Variants in SEMA5A observed in about 807,000 individuals in gnomAD.
SEMA5A encodes semaphorin 5A.
Under a neutral mutation model 135.5 loss-of-function variants are expected in SEMA5A, and 55 were observed. The ratio of observed to expected loss-of-function variants is 0.41; its 90% CI spans 0.33 to 0.51. SEMA5A has a LOEUF of 0.51. Ranked by LOEUF, SEMA5A falls within the 20% of genes least tolerant of loss-of-function variation. The pLI is 0.37. For synonymous variants in SEMA5A, 580 were observed against 546.5 expected, an observed-to-expected ratio of 1.06 and a Z score of -0.85; for missense variants, 1,290 against 1,419.9, an observed-to-expected ratio of 0.91 and a Z score of 1.47.
At chr5:9,385,955 C>A (rs951915121) in intron 2 of SEMA5A, among the ~76,000 whole-genome samples, 5 of 151,890 alleles carry the variant, frequency 3.3e-5, no homozygotes, top group Non-Finnish European at 4.4e-5. Context: ...GCACACACCA[C>A]CACACCTGGC....
At chr5:9,531,322 C>T (rs966383852) in intron 1 of SEMA5A, among the ~76,000 whole-genome samples, 4 of 152,176 alleles carry the variant, frequency 2.6e-5, no homozygotes, top group African/African-American at 7.2e-5. Context: ...CACCTACATT[C>T]GTAGGGAACT....
chr5:9,221,148 G>A (rs1358675149), intron 8 of SEMA5A, among the ~76,000 whole-genome samples: 2 of 152,186 alleles, frequency 1.3e-5, no homozygotes, highest in African/African-American at 4.8e-5. Context: ...ACTCAAGAGA[G>A]AAGTCTGAGA....
chr5:9,371,235 G>T (rs1755121957), intron 3 of SEMA5A, among the ~76,000 whole-genome samples: 1 of 152,020 alleles, frequency 6.6e-6, no homozygotes, highest in Non-Finnish European at 1.5e-5. Context: ...TTAATTAGTG[G>T]CCCTAGAACG....
intron 1 of SEMA5A, among the ~76,000 whole-genome samples, chr5:9,474,064 GT>G (rs775179981): frequency 2.0e-5 from 3 of 151,978 alleles, no homozygotes; most frequent in South Asian, 2.1e-4. Flanking sequence ...TGTCAAATGA[GT>G]TTTTTTTAAA....
intron 2 of SEMA5A, among the ~76,000 whole-genome samples, chr5:9,424,239 T>A (rs1015000504): frequency 1.3e-5 from 2 of 152,200 alleles, no homozygotes; most frequent in Non-Finnish European, 1.5e-5. Context: ...AAGAGTCTGA[T>A]CTTATTTCCT....
intron 13 of SEMA5A, among the ~76,000 whole-genome samples, chr5:9,134,717 G>A (rs1241565049): frequency 6.6e-6 from 1 of 152,132 alleles, no homozygotes; most frequent in Non-Finnish European, 1.5e-5. Flanking sequence ...AAGAAACACA[G>A]CTATTATCTT....
chr5:9,378,088 A>C (rs10074320), intron 3 of SEMA5A, among the ~76,000 whole-genome samples: 4,786 of 152,292 alleles, frequency 0.031, 95 homozygotes, highest in Middle Eastern at 0.092. Flanking sequence ...TCATGTATTA[A>C]TAATAATTAT....
At chr5:9,534,459 A>G (rs1478366950) in intron 1 of SEMA5A, among the ~76,000 whole-genome samples, 1 of 152,218 alleles carries the variant, frequency 6.6e-6, no homozygotes, top group East Asian at 1.9e-4. Context: ...ACCACTAATT[A>G]AAAGGACTCT....
intron 8 of SEMA5A, among the ~76,000 whole-genome samples, chr5:9,212,991 C>T (rs1415344941): frequency 6.6e-6 from 1 of 152,168 alleles, no homozygotes; most frequent in Non-Finnish European, 1.5e-5. Context: ...ATCCAGGCAC[C>T]AGTAGATGTG....
chr5:9,229,073 G>T (rs774864399), intron 6 of SEMA5A, among the ~76,000 whole-genome samples: 7 of 152,176 alleles, frequency 4.6e-5, no homozygotes, highest in African/African-American at 1.4e-4. Flanking sequence ...TTACAGGTGC[G>T]AGCACCACTC....
At position 9,222,737 on chromosome 5, in the gene SEMA5A, G is replaced by T. The variant is rs558983189; in HGVS notation, c.646+1937C>A. On this transcript the variant is annotated intron_variant, in intron 8 of 22. Transcript: ENST00000382496. ...TAAACACTGTTTTAGCTCTTCCATTGCCTGGATGGCAACACATGACTCTCC... is the reference window on the plus strand; with the variant it reads ...TAAACACTGTTTTAGCTCTTCCATTTCCTGGATGGCAACACATGACTCTCC... 2.6e-5 allele frequency among the ~76,000 whole-genome samples: 4 copies of T among 152,294 alleles called. No homozygotes were observed. In the East Asian group the frequency reaches 7.7e-4, roughly 29 times the overall value.
intron 13 of SEMA5A, among the ~76,000 whole-genome samples, chr5:9,132,907 A>G (rs769172900): frequency 9.2e-5 from 14 of 152,256 alleles, no homozygotes; most frequent in Non-Finnish European, 2.1e-4. Flanking sequence ...TCCTTTGGAA[A>G]GAGATACATA....
intron 11 of SEMA5A, among the ~76,000 whole-genome samples, chr5:9,174,102 C>T (rs2150313042): frequency 6.6e-6 from 1 of 152,344 alleles, no homozygotes; most frequent in Non-Finnish European, 1.5e-5. Context: ...TCTGATGTTA[C>T]ATCTCTGCAA....
At chr5:9,472,512 G>C (rs1759512832) in intron 1 of SEMA5A, among the ~76,000 whole-genome samples, 1 of 152,214 alleles carries the variant, frequency 6.6e-6, no homozygotes, top group East Asian at 1.9e-4. Flanking sequence ...TATAGACACA[G>C]AAACAATCCT....
rs16882565 is a variant in SEMA5A, at chr5:9,363,898, G to A, written c.124+15925C>T. 3.9e-3 allele frequency among the ~76,000 whole-genome samples: 594 copies of A among 152,288 alleles called. 10 individuals are homozygous for A. Among genetic ancestry groups the A allele is most frequent in the African/African-American group, 0.014 (575 of 41,552 alleles). ...AAAATAAAATAAAAAGGCATTTCAA[G>A]TGGCCAGAAAACATGGGGCATATGG... On this transcript the variant is annotated intron_variant, in intron 3 of 22. Coordinates refer to ENST00000382496, the MANE Select transcript of SEMA5A (RefSeq NM_003966.3).
chr5:9,319,031 C>T (rs1250499344), intron 4 of SEMA5A, among the ~76,000 whole-genome samples: 3 of 151,930 alleles, frequency 2.0e-5, no homozygotes, highest in East Asian at 1.9e-4. Flanking sequence ...ATGGCAAAAT[C>T]TGTCTCTACA....
In SEMA5A at chr5:9,206,004, T is replaced by A. The variant is rs1745993593; in HGVS notation, c.647-3764A>T. 2.0e-5 allele frequency among the ~76,000 whole-genome samples: 3 copies of A among 152,306 alleles called. No homozygotes were observed. In the South Asian group the frequency reaches 6.2e-4, roughly 32 times the overall value. On this transcript the variant is annotated intron_variant, in intron 8 of 22. Coordinates refer to ENST00000382496, the MANE Select transcript of SEMA5A (RefSeq NM_003966.3). Reference sequence around the variant, plus strand: ...TTGATATAAATTTGGAAGTAGGGGATGTTAGAGTCTTGCCAGGCAGGATGA... The same window carrying A: ...TTGATATAAATTTGGAAGTAGGGGAAGTTAGAGTCTTGCCAGGCAGGATGA...
At chr5:9,338,214 GC>G (rs1212691474) in intron 3 of SEMA5A, among the ~76,000 whole-genome samples, 1 of 152,090 alleles carries the variant, frequency 6.6e-6, no homozygotes, top group Admixed American at 6.6e-5. Flanking sequence ...TATTACAAAA[GC>G]CTCCTTAGGA....
intron 5 of SEMA5A, among the ~76,000 whole-genome samples, chr5:9,253,408 T>C (rs1347064793): frequency 6.6e-6 from 1 of 152,086 alleles, no homozygotes; most frequent in Non-Finnish European, 1.5e-5. Flanking sequence ...GCTGTGAAAA[T>C]CAAGCCACAT....
Sources: allele counts gnomAD v4.1 joint callset (sites outside exome capture counted in the v4.1 genomes callset), GRCh38; gene constraint gnomAD v4.1.1; transcripts MANE v1.5; gene names NCBI Gene and HGNC (gene_info 2026-07-23, HGNC 2026-07-21).